The following UBE3D variants were observed in gnomAD, a reference collection of about 807,000 sequenced individuals.
UBE3D encodes E3 ubiquitin-protein ligase E3D.
Under a neutral mutation model 49.6 loss-of-function variants are expected in UBE3D, and 48 were observed. The observed-to-expected ratio is 0.97, with a 90% CI of 0.77 to 1.23. The LOEUF is 1.23. Ranked by LOEUF, UBE3D falls within the 50% of genes most tolerant of loss-of-function variation. The pLI is 0.00. For synonymous variants in UBE3D, 189 were observed against 174.2 expected, an observed-to-expected ratio of 1.08 and a Z score of -0.67; for missense variants, 452 against 468.4, an observed-to-expected ratio of 0.96 and a Z score of 0.32.
chr6:83,038,263 T>C (rs117130133), intron 5 of UBE3D, 153 bp downstream of exon 5: 38 of 596,250 alleles, frequency 6.4e-5, no homozygotes, highest in East Asian at 3.3e-4. Context: ...TCTTGGTATA[T>C]TGGATGGTAT....
At chr6:83,002,634 G>GA (rs1779712161) in intron 8 of UBE3D, among the ~76,000 whole-genome samples, 1 of 152,228 alleles carries the variant, frequency 6.6e-6, no homozygotes, top group South Asian at 2.1e-4. Flanking sequence ...GCGGTGAGCC[G>GA]AGATTGCGCC....
intron 3 of UBE3D, among the ~76,000 whole-genome samples, chr6:83,050,786 T>A (rs1783420745): frequency 2.7e-5 from 4 of 147,088 alleles, no homozygotes; most frequent in Non-Finnish European, 6.1e-5. Context: ...GCATGCTACC[T>A]AAGAGTTACA....
chr6:83,018,442 T>C (rs560347903), intron 8 of UBE3D: 1 of 152,534 alleles, frequency 6.6e-6, no homozygotes, highest in Non-Finnish European at 1.5e-5. Context: ...AGTGATTTAC[T>C]ACCAGTGTCT....
At chr6:82,910,533 T>C (rs1448210030) in intron 9 of UBE3D, among the ~76,000 whole-genome samples, 1 of 152,136 alleles carries the variant, frequency 6.6e-6, no homozygotes, top group East Asian at 1.9e-4. Flanking sequence ...TCTTTAAAAC[T>C]TTGCTCAGAG....
intron 9 of UBE3D, among the ~76,000 whole-genome samples, chr6:82,953,649 T>A (rs1775957396): frequency 6.6e-6 from 1 of 152,208 alleles, no homozygotes; most frequent in African/African-American, 2.4e-5. Context: ...CCATCCAATA[T>A]TTATTAACTT....
intron 8 of UBE3D, among the ~76,000 whole-genome samples, chr6:82,999,687 CT>C (rs1562169195): frequency 6.6e-6 from 1 of 151,998 alleles, no homozygotes; most frequent in East Asian, 1.9e-4. Flanking sequence ...ACCCAGCCCC[CT>C]GTTGGCTTTT....
chr6:83,039,845 T>C (rs189006188), intron 4 of UBE3D, among the ~76,000 whole-genome samples: 17 of 152,200 alleles, frequency 1.1e-4, no homozygotes, highest in African/African-American at 3.8e-4. Flanking sequence ...TTTCACCATC[T>C]TGGCCAGGCT....
chr6:82,944,177 C>A (rs1019256287), intron 9 of UBE3D, among the ~76,000 whole-genome samples: 1 of 152,166 alleles, frequency 6.6e-6, no homozygotes, highest in Non-Finnish European at 1.5e-5. Context: ...CAACTCTAGG[C>A]AACACAACTC....
intron 9 of UBE3D, among the ~76,000 whole-genome samples, chr6:82,918,289 ACAAAAAAAAAAC>A (rs940524755): frequency 1.5e-4 from 22 of 149,520 alleles, no homozygotes; most frequent in African/African-American, 5.4e-4. Flanking sequence ...AACAACAACA[ACAAAAAAAAAAC>A]AAAAAAATAA....
intron 5 of UBE3D, chr6:83,036,647 G>A (rs1028661199): frequency 2.3e-4 from 35 of 151,634 alleles, no homozygotes; most frequent in Admixed American, 7.2e-4. Context: ...GTGTAAGGCA[G>A]TGAAATGCTG....
At chr6:83,030,015 G>A (rs921150562) in intron 5 of UBE3D, among the ~76,000 whole-genome samples, 10 of 152,074 alleles carry the variant, frequency 6.6e-5, no homozygotes, top group Admixed American at 2.0e-4. Flanking sequence ...AAATTCACAG[G>A]TCCCCCTAAG....
intron 5 of UBE3D, among the ~76,000 whole-genome samples, chr6:83,035,833 G>C (rs1490854238): frequency 6.6e-6 from 1 of 151,928 alleles, no homozygotes; most frequent in East Asian, 1.9e-4. Flanking sequence ...TCTCTTTCTA[G>C]AATTTCTATA....
intron 9 of UBE3D, among the ~76,000 whole-genome samples, chr6:82,939,945 C>T (rs1774884776): frequency 6.6e-6 from 1 of 152,200 alleles, no homozygotes; most frequent in South Asian, 2.1e-4. Flanking sequence ...TCCCATCAGA[C>T]CTCCCCTACG....
downstream of UBE3D, among the ~76,000 whole-genome samples, chr6:82,887,933 C>T (rs1005140136): frequency 6.6e-6 from 1 of 152,194 alleles, no homozygotes; most frequent in Non-Finnish European, 1.5e-5. Flanking sequence ...TCTGGCTCTT[C>T]TTCCTAGAAA....
chr6:82,948,469 A>G (rs1775558182), intron 9 of UBE3D, among the ~76,000 whole-genome samples: 1 of 152,010 alleles, frequency 6.6e-6, no homozygotes, highest in African/African-American at 2.4e-5. Context: ...TACTCAAACT[A>G]TTCTGGAAAA....
chr6:83,063,570 C>CA (rs1384753406), intron 1 of UBE3D, among the ~76,000 whole-genome samples: 3 of 150,692 alleles, frequency 2.0e-5, no homozygotes, highest in South Asian at 2.1e-4. Context: ...TGATTATGGG[C>CA]AAAAAAAATT....
chr6:82,892,348 C>T (rs1771004432), downstream of UBE3D: 1 of 153,872 alleles, frequency 6.5e-6, no homozygotes, highest in African/African-American at 2.4e-5. Flanking sequence ...TGAAAGGTTT[C>T]CTCACCGCTT....
intron 9 of UBE3D, among the ~76,000 whole-genome samples, chr6:82,947,415 C>G (rs556091696): frequency 4.5e-4 from 69 of 152,118 alleles, no homozygotes; most frequent in African/African-American, 1.7e-3. Flanking sequence ...AAAGAAACAT[C>G]AAACTTAATC....
chr6:82,943,757 A>G (rs957351308), intron 9 of UBE3D, among the ~76,000 whole-genome samples: 1 of 152,110 alleles, frequency 6.6e-6, no homozygotes, highest in East Asian at 1.9e-4. Context: ...TGTCAATGCC[A>G]CCCCTCTCCC....
Sources: allele counts gnomAD v4.1 joint callset (sites outside exome capture counted in the v4.1 genomes callset), GRCh38; gene constraint gnomAD v4.1.1; transcripts MANE v1.5; gene names NCBI Gene and HGNC (gene_info 2026-07-23, HGNC 2026-07-21).